The following GREB1 variants were observed in gnomAD, a reference collection of about 807,000 sequenced individuals.
The protein encoded by GREB1 is growth regulating estrogen receptor binding 1, also known as protein GREB1.
Under a neutral mutation model 200.7 loss-of-function variants are expected in GREB1, and 106 were observed. The observed-to-expected ratio is 0.53, with a 90% CI of 0.45 to 0.62. The LOEUF (loss-of-function observed/expected upper bound fraction) is 0.62, where lower values mean the gene tolerates loss of function less well. Among genes scored for constraint, GREB1 ranks in the 20% least tolerant of loss-of-function variants. GREB1 has a pLI of 0.00. For synonymous variants in GREB1, 1,132 were observed against 1,092.4 expected, an observed-to-expected ratio of 1.04 and a Z score of -0.72; for missense variants, 2,243 against 2,556.8, an observed-to-expected ratio of 0.88 and a Z score of 2.65.
intron 4 of GREB1, among the ~76,000 whole-genome samples, chr2:11,569,389 G>C (rs1678029869): frequency 6.6e-6 from 1 of 152,154 alleles, no homozygotes; most frequent in Non-Finnish European, 1.5e-5. Context: ...AAACGACTCT[G>C]TCAGTAAATC....
At chr2:11,545,267 A>G (rs1675159550) in intron 1 of GREB1, among the ~76,000 whole-genome samples, 2 of 151,802 alleles carry the variant, frequency 1.3e-5, no homozygotes, top group Non-Finnish European at 2.9e-5. Context: ...CCGAGTAGCT[A>G]GGATTACAGG....
chr2:11,610,654 C>T lies in GREB1; in HGVS notation c.2667-34C>T, dbSNP rs565684547. The T allele has an allele frequency of 1.7e-5, 26 of 1,509,554 alleles. No homozygotes were observed. The East Asian group carries it at 4.1e-4, about 24-fold the overall frequency. 93.5% of individuals were successfully genotyped at this position (1,509,554 alleles called of 1,614,324 possible). ...GCAGCAGCAGGCCGGTGGGCGCGGC[C>T]GTCACAGACATGGTCTCTCTGTGTT... On this transcript the variant is annotated intron_variant, in intron 17 of 32. Coordinates refer to ENST00000381486, the MANE Select transcript of GREB1 (RefSeq NM_014668.4).
Position 11,641,910 on chromosome 2 carries a change from T to A in GREB1, c.*1456T>A, listed in dbSNP as rs1275886872. ...GGAATTATTCATCCCCTTTGAAAGA[T>A]GAGAAGGTTGAGATGCAAAGAGTCT... On this transcript the variant is annotated 3_prime_UTR_variant, in exon 33 of 33. Transcript: ENST00000381486. 2 of 152,178 alleles carry A rather than the reference T, an allele frequency of 1.3e-5. No individual in the cohort carries two copies. The highest frequency in any genetic ancestry group is 4.8e-5 in the African/African-American group (2 of 41,432). The allele number at this position is 152,178 out of a possible 1,614,324, so 9.4% of individuals were successfully genotyped here.
rs142274212 is a variant in GREB1 at position 11,620,492 on chromosome 2, AT to A, written c.4045-403del. On this transcript the variant is annotated intron_variant, in intron 22 of 32. Coordinates refer to ENST00000381486, the MANE Select transcript of GREB1 (RefSeq NM_014668.4). ...GTTTAGAAGGAGAAATACGAGAAGC[AT>A]TTTTTTTTTATGTCTTATACAATGA... Among the ~76,000 whole-genome samples, 214 of 149,884 alleles carry A rather than the reference AT, an allele frequency of 1.4e-3. 1 individual carries two copies. Among genetic ancestry groups the A allele is most frequent in the African/African-American group, 4.3e-3 (175 of 40,976 alleles).
At chr2:11,612,013 G>A (rs1682978951) in intron 18 of GREB1, among the ~76,000 whole-genome samples, 1 of 152,100 alleles carries the variant, frequency 6.6e-6, no homozygotes, top group Non-Finnish European at 1.5e-5. Flanking sequence ...GGCCAGCATG[G>A]AGAAACCCTG....
intron 1 of GREB1, among the ~76,000 whole-genome samples, chr2:11,515,555 G>T (rs1262755687): frequency 6.6e-6 from 1 of 152,018 alleles, no homozygotes; most frequent in African/African-American, 2.4e-5. Flanking sequence ...TCCTCTGCTG[G>T]AAGCCCTGTG....
chr2:11,614,125 ATTT>A (rs34678522), intron 19 of GREB1, among the ~76,000 whole-genome samples: 28 of 99,522 alleles, frequency 2.8e-4, no homozygotes, highest in African/African-American at 7.1e-4. Context: ...GCGGACTTAG[ATTT>A]TTTTTTTTTT....
intron 1 of GREB1, among the ~76,000 whole-genome samples, chr2:11,547,349 C>A (rs1675382709): frequency 1.3e-5 from 2 of 152,218 alleles, no homozygotes; most frequent in African/African-American, 4.8e-5. Context: ...ACAGGTCCAA[C>A]CTTTCCAAGC....
intron 1 of GREB1, among the ~76,000 whole-genome samples, chr2:11,519,681 C>T (rs1418747217): frequency 6.6e-6 from 1 of 151,946 alleles, no homozygotes; most frequent in Non-Finnish European, 1.5e-5. Flanking sequence ...GTCTCGACCT[C>T]TTGACCTCAG....
intron 1 of GREB1, among the ~76,000 whole-genome samples, chr2:11,497,971 CTTTTT>C (rs70955803): frequency 2.5e-4 from 10 of 40,620 alleles, no homozygotes; most frequent in African/African-American, 5.4e-4. Flanking sequence ...CAGAGCAAAA[CTTTTT>C]TTTTTTTTTT....
intron 22 of GREB1, among the ~76,000 whole-genome samples, chr2:11,620,579 A>G (rs1282546181): frequency 6.6e-6 from 1 of 152,182 alleles, no homozygotes; most frequent in Non-Finnish European, 1.5e-5. Context: ...TTCATAAGGC[A>G]TGTTTATAGT....
At chr2:11,614,854 C>T (rs548068868) in intron 19 of GREB1, among the ~76,000 whole-genome samples, 17 of 152,324 alleles carry the variant, frequency 1.1e-4, no homozygotes, top group African/African-American at 3.6e-4. Context: ...TTATCTGACC[C>T]AAAAGTTAGT....
intron 7 of GREB1, among the ~76,000 whole-genome samples, chr2:11,581,610 C>T (rs764004284): frequency 2.6e-5 from 4 of 152,164 alleles, no homozygotes; most frequent in Non-Finnish European, 4.4e-5. Context: ...GGGACCTGCT[C>T]GTGGACTCCC....
chr2:11,609,851 G>A lies in GREB1; in HGVS notation c.2667-837G>A, dbSNP rs1242423676. On this transcript the variant is annotated intron_variant, in intron 17 of 32. Transcript: ENST00000381486. ...GGTATGGTACTCATTTTTGTAGGTCGAGAAACTACCTTACCTTTGCTACAA... is the reference window on the plus strand; with the variant it reads ...GGTATGGTACTCATTTTTGTAGGTCAAGAAACTACCTTACCTTTGCTACAA... 2.6e-5 allele frequency among the ~76,000 whole-genome samples: 4 copies of A among 152,202 alleles called. No individual in the cohort carries two copies. In the East Asian group the frequency reaches 5.8e-4, roughly 22 times the overall value.
chr2:11,631,217 G>A (rs1318310907), intron 26 of GREB1, among the ~76,000 whole-genome samples: 1 of 152,166 alleles, frequency 6.6e-6, no homozygotes, highest in East Asian at 1.9e-4. Flanking sequence ...GCCTAGCTCT[G>A]CCAGTTGAAC....
At chr2:11,639,016 G>A (rs1358153684) in intron 32 of GREB1, among the ~76,000 whole-genome samples, 1 of 152,160 alleles carries the variant, frequency 6.6e-6, no homozygotes, top group African/African-American at 2.4e-5. Context: ...TACCTGTTTG[G>A]GTAGAGGCAA....
chr2:11,627,322 A>G (rs1053553735), intron 25 of GREB1, among the ~76,000 whole-genome samples: 3 of 152,184 alleles, frequency 2.0e-5, no homozygotes, highest in Non-Finnish European at 4.4e-5. Flanking sequence ...ATCAGTGGCC[A>G]AGTTACCCGA....
intron 13 of GREB1, among the ~76,000 whole-genome samples, chr2:11,596,732 T>A (rs1336968866): frequency 2.2e-5 from 1 of 46,124 alleles, no homozygotes; most frequent in Non-Finnish European, 4.0e-5. Flanking sequence ...AGGGCACTGG[T>A]TTGTACAGTG....
chr2:11,553,918 C>T (rs776923526), intron 1 of GREB1, among the ~76,000 whole-genome samples: 4 of 151,992 alleles, frequency 2.6e-5, no homozygotes, highest in Non-Finnish European at 5.9e-5. Flanking sequence ...CCATGTAAAA[C>T]GAGTCCACCT....
Sources: gnomAD v4.1 joint callset for allele counts (sites outside exome capture counted in the v4.1 genomes callset) on GRCh38, gnomAD v4.1.1 for gene constraint, MANE v1.5 for transcripts, NCBI Gene and HGNC (gene_info 2026-07-23, HGNC 2026-07-21) for gene names.